The following NLRC5 variants were observed in gnomAD, a reference collection of about 807,000 sequenced individuals.
NLRC5 encodes NLR family CARD domain containing 5.
In NLRC5, 114 loss-of-function variants were observed where a neutral mutation model predicts 206.9. The observed-to-expected ratio is 0.55, with a 90% CI of 0.47 to 0.64. The LOEUF (loss-of-function observed/expected upper bound fraction) is 0.64. Among genes scored for constraint, NLRC5 ranks in the 30% least tolerant of loss-of-function variants. The pLI, the probability that NLRC5 is intolerant of heterozygous loss-of-function variation, is 0.00. For synonymous variants in NLRC5, 952 were observed against 962.8 expected (o/e 0.99, Z 0.21); for missense variants, 2,008 against 2,305.5 (o/e 0.87, Z 2.64).
In NLRC5 at chr16:57,026,702, T is replaced by A; in HGVS notation, c.1759T>A (p.Cys587Ser). 3 of 1,614,038 alleles carry A rather than the reference T, an allele frequency of 1.9e-6. No homozygotes were observed. Among genetic ancestry groups the A allele is most frequent in the Non-Finnish European group, 2.5e-6 (3 of 1,179,922 alleles). Residue 587 changes from cysteine (C) to serine (S), a missense_variant, in exon 6 of 49, where the codon TGT becomes AGT. Coordinates refer to ENST00000688547, the MANE Select transcript of NLRC5 (RefSeq NM_001384950.1). Reference sequence around the variant, plus strand: ...CCACCTGGCGCAGGGCAATGAGGACTGTGTGGGTGCCAAGCAGGCTGCTGT... The same window carrying A: ...CCACCTGGCGCAGGGCAATGAGGACAGTGTGGGTGCCAAGCAGGCTGCTGT... ...LSHLAQGNED[C>S]VGAKQAAVVQ...
chr16:57,024,443 C>T (rs941619275), intron 5 of NLRC5, among the ~76,000 whole-genome samples: 2 of 152,252 alleles, frequency 1.3e-5, no homozygotes, highest in Non-Finnish European at 2.9e-5. Context: ...AGAGGATTCA[C>T]ATCCGCTCAA....
At chr16:56,998,955 C>T (rs2057948670) in intron 1 of NLRC5, among the ~76,000 whole-genome samples, 1 of 152,250 alleles carries the variant, frequency 6.6e-6, no homozygotes. Flanking sequence ...GTGCCAGAGA[C>T]TGGCTGGATT....
chr16:57,055,147 G>A, intron 26 of NLRC5, 53 bp downstream of exon 26: 1 of 1,593,330 alleles, frequency 6.3e-7, no homozygotes, highest in Non-Finnish European at 8.6e-7. Flanking sequence ...GGGACCAGTA[G>A]ATCTGCCTCC....
intron 10 of NLRC5, among the ~76,000 whole-genome samples, chr16:57,030,401 T>C (rs186470862): frequency 7.8e-5 from 11 of 140,474 alleles, no homozygotes; most frequent in African/African-American, 2.4e-4. Flanking sequence ...GATGGATGGA[T>C]GGATGGATGG....
rs1472072886 is a variant in NLRC5, at chr16:57,054,849, TC to T, written c.3596+13del. 2 of 1,613,408 alleles carry T rather than the reference TC, an allele frequency of 1.2e-6. No individual in the cohort carries two copies. The highest frequency in any genetic ancestry group is 1.7e-6 in the Non-Finnish European group (2 of 1,179,292). On this transcript the variant is annotated intron_variant, in intron 25 of 48. Transcript: ENST00000688547. ...AAAAAGGTGGATCTCAGGTGGGCAT[TC>T]CCCTGGGACAGCCAGGACTCGTCCT... is the stretch of plus-strand genomic sequence containing the variant.
At position 57,081,147 on chromosome 16, in the gene NLRC5, G is replaced by A; in HGVS notation, c.5371G>A (p.Val1791Met). Residue 1791 changes from valine (V) to methionine (M), a missense_variant, in exon 47 of 49, where the codon GTG (valine) becomes ATG (methionine). Transcript: ENST00000688547. ...GDEAAAELAQ[V>M]LPQMGRLKRV... ...TGAGGCAGCTGCCGAGCTGGCCCAG[G>A]TGCTGCCGCAGATGGGCCGGCTGAA... 6.5e-7 allele frequency: 1 copy of A among 1,545,546 alleles called. No homozygotes were observed. The highest frequency in any genetic ancestry group is 1.4e-5 in the African/African-American group (1 of 73,306).
At chr16:57,005,513 GAGAA>G (rs1176132673) in intron 1 of NLRC5, among the ~76,000 whole-genome samples, 186 of 145,364 alleles carry the variant, frequency 1.3e-3, no homozygotes, top group African/African-American at 4.3e-3. Flanking sequence ...AAAAAAAAAA[GAGAA>G]AGAAAAAAAG....
chr16:57,057,558 AT>A (rs141564769), intron 27 of NLRC5, among the ~76,000 whole-genome samples: 4 of 151,776 alleles, frequency 2.6e-5, no homozygotes, highest in East Asian at 1.9e-4. Flanking sequence ...TCCTGCAAAC[AT>A]TTTTTTTTCC....
intron 27 of NLRC5, among the ~76,000 whole-genome samples, 175 bp from the exon 28 acceptor site, chr16:57,057,888 CAT>C (rs1186338365): frequency 7.9e-5 from 12 of 151,306 alleles, no homozygotes; most frequent in African/African-American, 2.7e-4. Flanking sequence ...GTGGTGGTGA[CAT>C]TGGTGGTGGT....
At chr16:57,041,702 G>T in intron 18 of NLRC5, 128 bp downstream of exon 18, 2 of 752,432 alleles carry the variant, frequency 2.7e-6, no homozygotes, top group Non-Finnish European at 2.2e-6. Context: ...AAACCCCTTG[G>T]AGAATCTGGT....
chr16:57,060,090 C>T (rs2066246869), intron 30 of NLRC5, among the ~76,000 whole-genome samples: 1 of 151,330 alleles, frequency 6.6e-6, no homozygotes, highest in Non-Finnish European at 1.5e-5. Flanking sequence ...CCCTGACTCA[C>T]TGCCACGGCC....
chr16:57,043,280 C>T (rs568735656), intron 19 of NLRC5, among the ~76,000 whole-genome samples: 14 of 152,310 alleles, frequency 9.2e-5, no homozygotes, highest in Non-Finnish European at 8.8e-5. Flanking sequence ...GGGTGCCCAT[C>T]TCAGCTCTGT....
In NLRC5 at chr16:57,061,810, C is replaced by G. The variant is rs763327638; in HGVS notation, c.4154+109C>G. 5.8e-6 allele frequency: 9 copies of G among 1,539,600 alleles called. No homozygotes were observed. The Admixed American group carries it at 1.6e-4, about 27-fold the overall frequency. ...TCATGGCCCCAGTCATTTCCTGTAC[C>G]CACAACCCTGCCATCTGGACCCTGA... On this transcript the variant is annotated intron_variant, in intron 32 of 48. Coordinates refer to ENST00000688547, the MANE Select transcript of NLRC5 (RefSeq NM_001384950.1).
In NLRC5 at chr16:57,043,557, G is replaced by T. The variant is rs763151850; in HGVS notation, c.3156G>T (p.Leu1052Phe). ...TGTCCCTGGATGCCGTGTTGGGTTT[G>T]GTTCGGTGCTTCTCCACTCTGCAGT... ...NGLSLDAVLG[L>F]VRCFSTLQWL... Residue 1052 changes from leucine (L) to phenylalanine (F), a missense_variant, in exon 20 of 49, where the codon TTG becomes TTT. Physicochemically the swap from Leu to Phe is conservative, Grantham distance 22 (BLOSUM62 0). Transcript: ENST00000688547. The T allele has an allele frequency of 6.2e-7, 1 of 1,614,018 alleles. No homozygotes were observed. Among genetic ancestry groups the T allele is most frequent in the Non-Finnish European group, 8.5e-7 (1 of 1,180,034 alleles).
chr16:57,022,344 G>C (rs756930417), intron 4 of NLRC5, 29 bp downstream of exon 4: 65 of 1,594,806 alleles, frequency 4.1e-5, no homozygotes, highest in Middle Eastern at 1.7e-4. Context: ...GGGTGGGAAG[G>C]GGGTGGTGAG....
At position 57,039,766 on chromosome 16, in the gene NLRC5, CTT is replaced by C; in HGVS notation, c.2802-12_2802-11del. 1 of 1,613,414 alleles carries C rather than the reference CTT, an allele frequency of 6.2e-7. No individual in the cohort carries two copies. The highest frequency in any genetic ancestry group is 8.5e-7 in the Non-Finnish European group (1 of 1,179,404). On this transcript the variant is annotated splice_polypyrimidine_tract_variant and intron_variant, in intron 15 of 48. Transcript: ENST00000688547. ...AATAACCTCTCGCTTCCTCACCCCT[CTT>C]TTGTCTTCACAGCCTGCAGCACAAA...
At chr16:57,074,826 G>A in intron 39 of NLRC5, 143 bp downstream of exon 39, 1 of 770,332 alleles carries the variant, frequency 1.3e-6, no homozygotes, top group South Asian at 1.5e-5. Context: ...GCCCTCCCAG[G>A]TGGGTGCCCA....
chr16:57,063,336 G>A (rs918810659), intron 32 of NLRC5, among the ~76,000 whole-genome samples: 9 of 151,476 alleles, frequency 5.9e-5, no homozygotes, highest in African/African-American at 1.7e-4. Flanking sequence ...GGCTGGTCTC[G>A]AACTCCTGAC....
At chr16:57,034,074 TG>T in intron 12 of NLRC5, 93 bp from the exon 13 acceptor site, 3 of 1,003,130 alleles carry the variant, frequency 3.0e-6, no homozygotes, top group Non-Finnish European at 4.6e-6. Flanking sequence ...CCCAGGTCTG[TG>T]GGCCCCCTGA....
Sources: allele counts gnomAD v4.1 joint callset (sites outside exome capture counted in the v4.1 genomes callset), GRCh38; gene constraint gnomAD v4.1.1; transcripts MANE v1.5; gene names NCBI Gene and HGNC (gene_info 2026-07-23, HGNC 2026-07-21).